Variants in RBFOX1 observed in about 807,000 individuals in gnomAD.
RBFOX1 encodes the protein RNA binding fox-1 homolog 1, also known as RNA binding protein fox-1 homolog 1.
In RBFOX1, 8 loss-of-function variants were observed where a neutral mutation model predicts 57.7. The observed-to-expected ratio is 0.14, with a 90% CI of 0.08 to 0.25. The LOEUF is 0.25. Among genes scored for constraint, RBFOX1 ranks in the 10% least tolerant of loss-of-function variants. RBFOX1 has a pLI of 1.00. For synonymous variants in RBFOX1, 326 were observed against 222.4 expected (o/e 1.47, Z -4.15); for missense variants, 611 against 548.5 (o/e 1.11, Z -1.14).
chr16:6,835,952 T>C (rs185535344), intron 3 of RBFOX1, among the ~76,000 whole-genome samples: 1 of 152,082 alleles, frequency 6.6e-6, no homozygotes, highest in Admixed American at 6.5e-5. Flanking sequence ...AGCACCTCCA[T>C]TCCCATTCCA....
In RBFOX1 at chr16:5,517,930, CTGTGTG is replaced by C. The variant is rs71404527; in HGVS notation, c.258+50704_258+50709del. 2.5e-3 allele frequency among the ~76,000 whole-genome samples: 363 copies of C among 144,174 alleles called. 5 individuals carry two copies. The highest frequency in any genetic ancestry group is 1.1e-3 in the Non-Finnish European group (75 of 65,420). 94.6% of individuals were successfully genotyped at this position (144,174 alleles called of 152,430 possible). Reference sequence around the variant, plus strand: ...ATATTTATAAAATATGCAAAAGCTACTGTGTGTGTGTGTGTGTGTGTGTGTGTGTGT... The same window carrying C: ...ATATTTATAAAATATGCAAAAGCTACTGTGTGTGTGTGTGTGTGTGTGTGT... On this transcript the variant is annotated intron_variant, in intron 2 of 2. Coordinates refer to the RBFOX1 transcript ENST00000585867.
intron 3 of RBFOX1, among the ~76,000 whole-genome samples, chr16:6,962,837 C>T (rs1290947131): frequency 2.0e-5 from 3 of 151,222 alleles, no homozygotes; most frequent in Non-Finnish European, 4.4e-5. Context: ...TGCACTCCAG[C>T]CTGGGCGGCA....
intron 3 of RBFOX1, among the ~76,000 whole-genome samples, chr16:6,928,045 C>A (rs928525301): frequency 3.9e-5 from 6 of 152,126 alleles, no homozygotes; most frequent in Non-Finnish European, 5.9e-5. Flanking sequence ...TTATAATTTC[C>A]CCAACTTGGG....
intron 1 of RBFOX1, among the ~76,000 whole-genome samples, chr16:5,414,519 G>A (rs1014968648): frequency 2.0e-5 from 3 of 152,152 alleles, no homozygotes; most frequent in Admixed American, 1.3e-4. Context: ...ATGTGGGTTG[G>A]TCAATTTGGG....
At chr16:7,699,358 A>G (rs1282061302) in intron 14 of RBFOX1, among the ~76,000 whole-genome samples, 1 of 152,110 alleles carries the variant, frequency 6.6e-6, no homozygotes, top group Non-Finnish European at 1.5e-5. Flanking sequence ...CACCCAGCTG[A>G]TATCTTAATT....
intron 1 of RBFOX1, among the ~76,000 whole-genome samples, chr16:6,122,395 C>G (rs1173026437): frequency 7.2e-6 from 1 of 139,746 alleles, no homozygotes; most frequent in Admixed American, 7.3e-5. Context: ...CACACACACA[C>G]ATTTTTAAAG....
At chr16:7,152,562 G>C (rs370364455) in intron 4 of RBFOX1, among the ~76,000 whole-genome samples, 5 of 152,250 alleles carry the variant, frequency 3.3e-5, no homozygotes, top group African/African-American at 1.2e-4. Context: ...AAGATAGGCA[G>C]TTAGGTTCAC....
chr16:7,513,993 C>G (rs1033030270), intron 4 of RBFOX1, among the ~76,000 whole-genome samples: 6 of 152,204 alleles, frequency 3.9e-5, no homozygotes, highest in African/African-American at 4.8e-5. Context: ...CTTTCTCTCT[C>G]TTTCTACTTC....
At chr16:5,468,201 A>T (rs951266348) in intron 2 of RBFOX1, among the ~76,000 whole-genome samples, 1 of 152,234 alleles carries the variant, frequency 6.6e-6, no homozygotes, top group African/African-American at 2.4e-5. Flanking sequence ...TGAAATTCAC[A>T]TAGCATAATA....
chr16:6,829,549 TAAACAA>T (rs978059709), intron 3 of RBFOX1, among the ~76,000 whole-genome samples: 7 of 152,030 alleles, frequency 4.6e-5, no homozygotes, highest in Non-Finnish European at 1.0e-4. Context: ...TACCATTAGT[TAAACAA>T]AAACAGGTAT....
At chr16:7,494,992 C>A (rs996472827) in intron 4 of RBFOX1, among the ~76,000 whole-genome samples, 17 of 151,888 alleles carry the variant, frequency 1.1e-4, no homozygotes, top group African/African-American at 4.1e-4. Flanking sequence ...TTTAGTAGTC[C>A]CCCGTGTCTG....
At chr16:6,857,402 G>T (rs373438900) in intron 3 of RBFOX1, among the ~76,000 whole-genome samples, 1 of 151,172 alleles carries the variant, frequency 6.6e-6, no homozygotes, top group African/African-American at 2.4e-5. Flanking sequence ...TACGAAGCAT[G>T]GGAGAGGTCA....
rs543268700 is a variant in RBFOX1, at chr16:6,708,951, C to T, written c.-16+54301C>T. 5.9e-5 allele frequency among the ~76,000 whole-genome samples: 9 copies of T among 151,832 alleles called. No homozygotes were observed. The South Asian group carries it at 1.0e-3, about 18-fold the overall frequency. On this transcript the variant is annotated intron_variant, in intron 3 of 15. Coordinates refer to ENST00000550418, the MANE Select transcript of RBFOX1 (RefSeq NM_018723.4). ...AGCCAACATCATAGTGGCCTAGTAG[C>T]GGTGGCTGGTTAATTTCAGCAAGCT... is the stretch of plus-strand genomic sequence containing the variant.
At chr16:6,493,011 T>G (rs1409245809) in intron 2 of RBFOX1, among the ~76,000 whole-genome samples, 1 of 152,210 alleles carries the variant, frequency 6.6e-6, no homozygotes, top group Non-Finnish European at 1.5e-5. Flanking sequence ...CTTTTAAGAT[T>G]ACACCTTTAT....
chr16:5,919,820 A>G (rs2058781953), intron 4 of RBFOX1, among the ~76,000 whole-genome samples: 1 of 152,092 alleles, frequency 6.6e-6, no homozygotes, highest in Non-Finnish European at 1.5e-5. Context: ...TACTTTCTAT[A>G]GATTCACTTT....
At chr16:7,084,990 C>G (rs749530663) in intron 4 of RBFOX1, among the ~76,000 whole-genome samples, 4 of 152,182 alleles carry the variant, frequency 2.6e-5, no homozygotes, top group Non-Finnish European at 5.9e-5. Flanking sequence ...ATCCGTCCAT[C>G]CATCCATGCA....
chr16:7,240,068 G>A (rs1056378222), intron 4 of RBFOX1, among the ~76,000 whole-genome samples: 26 of 152,266 alleles, frequency 1.7e-4, no homozygotes, highest in African/African-American at 5.1e-4. Context: ...CTGAGTTCAA[G>A]CGATTCTCCT....
intron 10 of RBFOX1, among the ~76,000 whole-genome samples, chr16:7,617,005 G>C (rs1330003807): frequency 6.7e-6 from 1 of 148,710 alleles, no homozygotes. Flanking sequence ...AAAAAAAAAA[G>C]TAAACTTGCA....
intron 1 of RBFOX1, among the ~76,000 whole-genome samples, chr16:6,182,989 C>G (rs1411491688): frequency 6.6e-6 from 1 of 152,124 alleles, no homozygotes; most frequent in Non-Finnish European, 1.5e-5. Flanking sequence ...CCAGAAATGT[C>G]AGATCATATA....
Sources: allele counts gnomAD v4.1 joint callset (sites outside exome capture counted in the v4.1 genomes callset), GRCh38; gene constraint gnomAD v4.1.1; transcripts MANE v1.5; gene names NCBI Gene and HGNC (gene_info 2026-07-23, HGNC 2026-07-21).